CCDC171: variants seen among roughly 807,000 people sequenced by gnomAD.
CCDC171 encodes the protein coiled-coil domain containing 171.
CCDC171 carries 177 observed loss-of-function variants against 168.2 expected under a neutral mutation model. The ratio of observed to expected loss-of-function variants is 1.05; its 90% confidence interval spans 0.93 to 1.19. The LOEUF (loss-of-function observed/expected upper bound fraction) is 1.19, where lower values mean the gene tolerates loss of function less well. CCDC171 is among the 50% of genes most tolerant of loss of function. CCDC171 has a pLI of 0.00. For synonymous variants in CCDC171, 687 were observed against 540.8 expected, an observed-to-expected ratio of 1.27 and a Z score of -3.75; for missense variants, 1,991 against 1,539.0, an observed-to-expected ratio of 1.29 and a Z score of -4.91.
intron 24 of CCDC171, among the ~76,000 whole-genome samples, chr9:15,899,279 A>G (rs921774995): frequency 2.0e-5 from 3 of 152,220 alleles, no homozygotes; most frequent in Admixed American, 6.5e-5. Context: ...CGGCTATTAC[A>G]TATAAAGTTG....
At chr9:15,919,582 T>G (rs1309738713) in intron 24 of CCDC171, among the ~76,000 whole-genome samples, 2 of 151,648 alleles carry the variant, frequency 1.3e-5, no homozygotes, top group African/African-American at 4.8e-5. Flanking sequence ...ACTTAAAATT[T>G]ATTACAAATT....
chr9:15,733,715 T>G (rs1007810666), intron 16 of CCDC171, among the ~76,000 whole-genome samples: 1 of 133,394 alleles, frequency 7.5e-6, no homozygotes, highest in African/African-American at 2.8e-5. Flanking sequence ...GTCTTCCAAC[T>G]TCTTTTTTCA....
At chr9:16,107,884 A>G in the CCDC171 span, among the ~76,000 whole-genome samples, 1 of 152,216 alleles carries the variant, frequency 6.6e-6, no homozygotes, top group East Asian at 1.9e-4. Flanking sequence ...GAAAGAATAC[A>G]TTTCATTATA....
chr9:15,763,701 A>G (rs1216653444), intron 18 of CCDC171, among the ~76,000 whole-genome samples: 1 of 152,248 alleles, frequency 6.6e-6, no homozygotes, highest in Non-Finnish European at 1.5e-5. Context: ...TCATCTGCTC[A>G]GCATAATGTT....
intron 18 of CCDC171, among the ~76,000 whole-genome samples, chr9:15,759,763 T>C (rs1387560155): frequency 1.3e-5 from 2 of 152,256 alleles, no homozygotes; most frequent in Middle Eastern, 6.8e-3. Context: ...ACTTCATTTT[T>C]AAAAAAGCTT....
chr9:15,769,721 C>G (rs1204467566), intron 18 of CCDC171, among the ~76,000 whole-genome samples: 2 of 152,120 alleles, frequency 1.3e-5, no homozygotes, highest in Admixed American at 6.5e-5. Flanking sequence ...TGCAGCCGGC[C>G]AAGTGAAAGG....
chr9:15,760,522 A>G (rs2056385290), intron 18 of CCDC171, among the ~76,000 whole-genome samples: 1 of 152,206 alleles, frequency 6.6e-6, no homozygotes, highest in Non-Finnish European at 1.5e-5. Context: ...CAGCCTCAGT[A>G]TCCTAATCTG....
chr9:16,090,911 A>C, the CCDC171 span, among the ~76,000 whole-genome samples: 12 of 152,250 alleles, frequency 7.9e-5, no homozygotes, highest in Admixed American at 3.3e-4. Flanking sequence ...GTAATTCTCG[A>C]AAGTTGAGAC....
chr9:15,838,285 T>G (rs1458987992), intron 21 of CCDC171, among the ~76,000 whole-genome samples: 1 of 152,206 alleles, frequency 6.6e-6, no homozygotes. Flanking sequence ...AGTATATCAT[T>G]GTATCTTTTA....
the CCDC171 span, among the ~76,000 whole-genome samples, chr9:16,079,992 C>A: frequency 6.6e-6 from 1 of 152,164 alleles, no homozygotes; most frequent in African/African-American, 2.4e-5. Flanking sequence ...AAACCAGAAA[C>A]CTTCCATGCT....
At chr9:15,657,028 C>G in intron 7 of CCDC171, 99 bp from the exon 8 acceptor site, 2 of 518,476 alleles carry the variant, frequency 3.9e-6, no homozygotes, top group Admixed American at 3.8e-5. Context: ...GGCTGCAAGT[C>G]CACTAATCTA....
chr9:15,649,467 C>T (rs1174387616), intron 7 of CCDC171, among the ~76,000 whole-genome samples: 1 of 152,138 alleles, frequency 6.6e-6, no homozygotes, highest in African/African-American at 2.4e-5. Flanking sequence ...AGGTAACCTA[C>T]AGAATGGGAG....
At chr9:15,897,697 A>C (rs1443247329) in intron 24 of CCDC171, among the ~76,000 whole-genome samples, 1 of 152,212 alleles carries the variant, frequency 6.6e-6, no homozygotes, top group Non-Finnish European at 1.5e-5. Context: ...AGGAGAGAAC[A>C]TGGATCAATA....
intron 1 of CCDC171, among the ~76,000 whole-genome samples, chr9:16,060,348 C>G (rs891832345): frequency 6.6e-6 from 1 of 152,104 alleles, no homozygotes; most frequent in Non-Finnish European, 1.5e-5. Context: ...CGTGGCGCCT[C>G]GAGACCACAC....
chr9:16,084,448 A>G, the CCDC171 span, among the ~76,000 whole-genome samples: 2 of 152,102 alleles, frequency 1.3e-5, no homozygotes, highest in Non-Finnish European at 2.9e-5. Flanking sequence ...CCTCATATTC[A>G]TGGCTCAGCT....
chr9:15,932,585 T>C (rs1013064831), intron 25 of CCDC171, among the ~76,000 whole-genome samples: 2 of 151,954 alleles, frequency 1.3e-5, no homozygotes, highest in Non-Finnish European at 2.9e-5. Flanking sequence ...TCCTTTCCAA[T>C]TTAGATACCT....
chr9:15,765,821 A>G (rs1462796225), intron 18 of CCDC171, among the ~76,000 whole-genome samples: 1 of 152,196 alleles, frequency 6.6e-6, no homozygotes, highest in Non-Finnish European at 1.5e-5. Context: ...AGTATATGCA[A>G]GAGTATAGTT....
intron 21 of CCDC171, among the ~76,000 whole-genome samples, chr9:15,829,911 C>T (rs892450321): frequency 6.6e-6 from 1 of 152,088 alleles, no homozygotes; most frequent in Non-Finnish European, 1.5e-5. Context: ...CAGAGTGAGA[C>T]CCTGCTCAAA....
intron 24 of CCDC171, 167 bp downstream of exon 24, chr9:15,874,830 G>GT: frequency 1.7e-6 from 1 of 588,746 alleles, no homozygotes; most frequent in Non-Finnish European, 2.5e-6. Flanking sequence ...ACAAAATATT[G>GT]TTTTTTTCTT....
Sources: gnomAD v4.1 joint callset for allele counts (sites outside exome capture counted in the v4.1 genomes callset) on GRCh38, gnomAD v4.1.1 for gene constraint, MANE v1.5 for transcripts, NCBI Gene and HGNC (gene_info 2026-07-23, HGNC 2026-07-21) for gene names.